The following RANBP2 variants were observed in gnomAD, a reference collection of about 807,000 sequenced individuals.
RANBP2 encodes E3 SUMO-protein ligase RanBP2.
In RANBP2, 57 loss-of-function variants were observed where a neutral mutation model predicts 303.6. The observed-to-expected ratio is 0.19, with a 90% CI of 0.15 to 0.23. RANBP2 has a LOEUF of 0.23. RANBP2 is among the 10% of genes least tolerant of loss of function. The pLI, the probability that RANBP2 is intolerant of heterozygous loss-of-function variation, is 1.00. For synonymous variants in RANBP2, 1,167 were observed against 1,301.5 expected, an observed-to-expected ratio of 0.90 and a Z score of 2.23; for missense variants, 3,138 against 3,780.8, an observed-to-expected ratio of 0.83 and a Z score of 4.46.
At chr2:109,462,816 A>G in the RANBP2 span, among the ~76,000 whole-genome samples, 4 of 152,304 alleles carry the variant, frequency 2.6e-5, no homozygotes, top group African/African-American at 4.8e-5. Flanking sequence ...GAAGGACATG[A>G]GATAAAACTC....
the RANBP2 span, among the ~76,000 whole-genome samples, chr2:109,686,851 G>A: frequency 2.0e-5 from 3 of 152,068 alleles, no homozygotes; most frequent in South Asian, 2.1e-4. Flanking sequence ...GAGCACAAGC[G>A]ATCTGCCTCC....
the RANBP2 span, among the ~76,000 whole-genome samples, chr2:109,287,805 C>T: frequency 6.6e-6 from 1 of 152,200 alleles, no homozygotes; most frequent in Non-Finnish European, 1.5e-5. Flanking sequence ...CGCACTGTTG[C>T]CAGTTTTAGG....
At chr2:108,813,986 C>G in the RANBP2 span, among the ~76,000 whole-genome samples, 1 of 152,152 alleles carries the variant, frequency 6.6e-6, no homozygotes, top group South Asian at 2.1e-4. Context: ...TTCCTTCATT[C>G]TTCTGTTGAT....
chr2:109,368,091 TTTC>T, the RANBP2 span, among the ~76,000 whole-genome samples: 1 of 152,378 alleles, frequency 6.6e-6, no homozygotes, highest in East Asian at 1.9e-4. Flanking sequence ...GAAATTTGTT[TTTC>T]TTCTTTCATG....
chr2:108,836,929 T>C, the RANBP2 span, among the ~76,000 whole-genome samples: 1 of 152,202 alleles, frequency 6.6e-6, no homozygotes, highest in Non-Finnish European at 1.5e-5. Context: ...GCAACTTTGC[T>C]GAATTTATGT....
the RANBP2 span, among the ~76,000 whole-genome samples, chr2:108,979,278 G>A: frequency 1.3e-5 from 2 of 152,144 alleles, no homozygotes; most frequent in African/African-American, 4.8e-5. Flanking sequence ...TCATCTGGTT[G>A]GAGAAGTTTA....
the RANBP2 span, among the ~76,000 whole-genome samples, chr2:109,190,530 T>G: frequency 6.6e-6 from 1 of 152,202 alleles, no homozygotes; most frequent in Non-Finnish European, 1.5e-5. Flanking sequence ...AAATGTTGAT[T>G]GTGTTTCCTG....
the RANBP2 span, among the ~76,000 whole-genome samples, chr2:109,073,179 T>C: frequency 2.0e-5 from 3 of 152,132 alleles, no homozygotes; most frequent in Middle Eastern, 3.4e-3. Context: ...AATGCATGAA[T>C]AAAGTGAGAA....
the RANBP2 span, among the ~76,000 whole-genome samples, chr2:109,162,788 C>T: frequency 0.013 from 1,910 of 152,252 alleles, 49 homozygotes; most frequent in African/African-American, 0.043. Context: ...TCTAGATCCC[C>T]GAGGAATCAC....
the RANBP2 span, among the ~76,000 whole-genome samples, chr2:108,939,743 G>A: frequency 1.5e-3 from 235 of 152,324 alleles, 2 homozygotes; most frequent in Admixed American, 4.8e-3. Flanking sequence ...TTCTGCCAAT[G>A]GGCTACTGTG....
the RANBP2 span, among the ~76,000 whole-genome samples, chr2:109,375,648 G>A: frequency 6.6e-6 from 1 of 152,248 alleles, no homozygotes. Context: ...AGGGCAGAGT[G>A]AACTCACAGG....
chr2:109,638,196 T>C, the RANBP2 span, among the ~76,000 whole-genome samples: 135,960 of 151,880 alleles, frequency 0.9, 60,917 homozygotes, highest in Middle Eastern at 0.97. Flanking sequence ...AAAGATAACA[T>C]GGGAGGTCTT....
At chr2:109,681,627 A>G in the RANBP2 span, among the ~76,000 whole-genome samples, 1 of 152,244 alleles carries the variant, frequency 6.6e-6, no homozygotes. Flanking sequence ...TGAGTCCCAC[A>G]GCACCGAGGC....
At chr2:108,940,953 CA>C in the RANBP2 span, among the ~76,000 whole-genome samples, 4 of 152,202 alleles carry the variant, frequency 2.6e-5, no homozygotes, top group African/African-American at 9.7e-5. Context: ...AACGTATATA[CA>C]CCCCCTGTGG....
At chr2:109,559,406 C>G in the RANBP2 span, among the ~76,000 whole-genome samples, 4 of 152,162 alleles carry the variant, frequency 2.6e-5, no homozygotes, top group Non-Finnish European at 5.9e-5. Context: ...TGTAGCCTGA[C>G]CTAAACTTAC....
chr2:109,286,038 A>T, the RANBP2 span, among the ~76,000 whole-genome samples: 1 of 152,220 alleles, frequency 6.6e-6, no homozygotes, highest in Admixed American at 6.5e-5. Context: ...TCTGCTGCTT[A>T]GAATCAATGG....
At chr2:109,399,949 G>A in the RANBP2 span, among the ~76,000 whole-genome samples, 10 of 152,162 alleles carry the variant, frequency 6.6e-5, no homozygotes. Context: ...TCCACCCAGC[G>A]GCCCACCCGC....
chr2:109,384,160 G>A, the RANBP2 span, among the ~76,000 whole-genome samples: 1 of 152,168 alleles, frequency 6.6e-6, no homozygotes, highest in African/African-American at 2.4e-5. Flanking sequence ...AGGCCGCCTG[G>A]GGTCCCACGT....
At chr2:109,364,119 GC>G in the RANBP2 span, among the ~76,000 whole-genome samples, 1 of 148,338 alleles carries the variant, frequency 6.7e-6, no homozygotes, top group Non-Finnish European at 1.5e-5. Flanking sequence ...CACAATTCTT[GC>G]TTTGAAGTTG....
Sources: gnomAD v4.1 joint callset for allele counts (sites outside exome capture counted in the v4.1 genomes callset) on GRCh38, gnomAD v4.1.1 for gene constraint, MANE v1.5 for transcripts, NCBI Gene and HGNC (gene_info 2026-07-23, HGNC 2026-07-21) for gene names.